Variants in EPB41L4A observed in about 807,000 individuals in gnomAD.
The protein encoded by EPB41L4A is erythrocyte membrane protein band 4.1 like 4A.
In EPB41L4A, 100 loss-of-function variants were observed where a neutral mutation model predicts 108.6. The observed-to-expected ratio is 0.92, with a 90% CI of 0.78 to 1.09. The LOEUF is 1.09. Ranked by LOEUF, EPB41L4A falls within the 50% of genes least tolerant of loss-of-function variation. EPB41L4A has a pLI of 0.00. For synonymous variants in EPB41L4A, 319 were observed against 289.0 expected (o/e 1.10, Z -1.05); for missense variants, 1,030 against 842.7 (o/e 1.22, Z -2.75).
intron 12 of EPB41L4A, among the ~76,000 whole-genome samples, chr5:112,230,707 G>A (rs1748852110): frequency 6.6e-6 from 1 of 152,100 alleles, no homozygotes; most frequent in Non-Finnish European, 1.5e-5. Context: ...TTCCTTTGCT[G>A]TGCAGAAGCT....
downstream of EPB41L4A, among the ~76,000 whole-genome samples, chr5:112,157,760 T>C (rs116342683): frequency 1.9e-3 from 285 of 152,340 alleles, 1 homozygote; most frequent in African/African-American, 6.3e-3. Context: ...TTCTGCTATG[T>C]AATGCACCAT....
chr5:112,354,453 C>T (rs1032100306), intron 1 of EPB41L4A, among the ~76,000 whole-genome samples: 2 of 152,110 alleles, frequency 1.3e-5, no homozygotes, highest in Non-Finnish European at 2.9e-5. Context: ...CTCAGCTCTC[C>T]GGCAACACTG....
At chr5:112,419,744 C>T (rs1285324850), upstream of EPB41L4A, 3 of 456,668 alleles carry the variant, frequency 6.6e-6, no homozygotes, top group African/African-American at 4.0e-5. Flanking sequence ...GCGGAAAGGG[C>T]AGCAGGCTCC....
intron 2 of EPB41L4A, among the ~76,000 whole-genome samples, chr5:112,306,146 G>GT (rs1312352315): frequency 6.6e-6 from 1 of 152,080 alleles, no homozygotes; most frequent in Non-Finnish European, 1.5e-5. Flanking sequence ...GAAAACTGTA[G>GT]TTTTCTCTGC....
chr5:112,305,335 G>A (rs1489627631), intron 2 of EPB41L4A, among the ~76,000 whole-genome samples: 2 of 152,090 alleles, frequency 1.3e-5, no homozygotes, highest in Non-Finnish European at 2.9e-5. Context: ...GAGTTCCGGG[G>A]TTCTAGGTTC....
chr5:112,341,607 G>T (rs536242277), intron 1 of EPB41L4A, among the ~76,000 whole-genome samples: 55 of 152,170 alleles, frequency 3.6e-4, no homozygotes, highest in African/African-American at 1.2e-3. Flanking sequence ...CCAAAAGAAA[G>T]TAATTTTAAA....
chr5:112,311,147 C>T (rs1301154030), intron 1 of EPB41L4A, among the ~76,000 whole-genome samples: 5 of 152,094 alleles, frequency 3.3e-5, no homozygotes, highest in African/African-American at 7.2e-5. Context: ...TACAGGCATG[C>T]ACCACCACAC....
At chr5:112,255,251 C>T (rs1750995390) in intron 9 of EPB41L4A, among the ~76,000 whole-genome samples, 1 of 152,206 alleles carries the variant, frequency 6.6e-6, no homozygotes, top group South Asian at 2.1e-4. Flanking sequence ...GTTGTCCACA[C>T]TCACCATCTC....
At chr5:112,192,148 G>C (rs1761735844) in intron 17 of EPB41L4A, 1 of 152,338 alleles carries the variant, frequency 6.6e-6, no homozygotes, top group East Asian at 1.9e-4. Context: ...CCTCATGTGG[G>C]ATGAGTGGGT....
chr5:112,355,956 G>A (rs550878145), intron 1 of EPB41L4A, among the ~76,000 whole-genome samples: 12 of 152,270 alleles, frequency 7.9e-5, no homozygotes, highest in African/African-American at 2.6e-4. Flanking sequence ...CATGGATCCA[G>A]TAAGTCCACG....
intron 1 of EPB41L4A, among the ~76,000 whole-genome samples, chr5:112,323,775 C>T (rs1296598108): frequency 6.6e-6 from 1 of 152,058 alleles, no homozygotes. Flanking sequence ...TATTCTGCAA[C>T]CTTTTTGGGG....
chr5:112,145,154 G>A (rs1000596926), intron 13 of EPB41L4A, among the ~76,000 whole-genome samples: 1 of 152,164 alleles, frequency 6.6e-6, no homozygotes, highest in Non-Finnish European at 1.5e-5. Flanking sequence ...GCCAGGCGTG[G>A]TGGCACAAAC....
At chr5:112,347,322 G>A (rs1275021939) in intron 1 of EPB41L4A, among the ~76,000 whole-genome samples, 1 of 152,140 alleles carries the variant, frequency 6.6e-6, no homozygotes, top group African/African-American at 2.4e-5. Context: ...GGAAAGCAAT[G>A]GTAGTTAAAA....
chr5:112,268,597 C>T (rs182643855), intron 4 of EPB41L4A, among the ~76,000 whole-genome samples: 2 of 151,806 alleles, frequency 1.3e-5, no homozygotes, highest in Non-Finnish European at 2.9e-5. Flanking sequence ...CACCTGTAAC[C>T]CCAGTATTTT....
chr5:112,214,556 G>A (rs985647747), intron 12 of EPB41L4A, among the ~76,000 whole-genome samples: 3 of 152,150 alleles, frequency 2.0e-5, no homozygotes, highest in Non-Finnish European at 2.9e-5. Flanking sequence ...GAGGTCAGGA[G>A]ATCGAGACCA....
intron 2 of EPB41L4A, among the ~76,000 whole-genome samples, chr5:112,300,039 A>C (rs1031795660): frequency 6.6e-6 from 1 of 151,950 alleles, no homozygotes; most frequent in Non-Finnish European, 1.5e-5. Flanking sequence ...GTGAGTCCTT[A>C]TATGTTAGGT....
At chr5:112,327,763 T>C (rs868503398) in intron 1 of EPB41L4A, among the ~76,000 whole-genome samples, 5 of 151,612 alleles carry the variant, frequency 3.3e-5, no homozygotes, top group Non-Finnish European at 7.4e-5. Flanking sequence ...TAGCTACAAA[T>C]AGAAGCACTG....
In EPB41L4A at chr5:112,243,277, A is replaced by G. The variant is rs79404085; in HGVS notation, c.796-2467T>C. The stretch of plus-strand genomic sequence containing the variant: ...CACACACATATATATATGTGTGTGT[A>G]TATATATATATATATTTTGTTTGTT... On this transcript the variant is annotated intron_variant, in intron 9 of 22. Transcript: ENST00000261486. Among the ~76,000 whole-genome samples the G allele has an allele frequency of 0.018, 2,325 of 127,368 alleles. 229 individuals are homozygous for G. The East Asian group carries it at 0.27, about 15-fold the overall frequency. The allele number at this position is 127,368 out of a possible 152,430, so 83.6% of individuals were successfully genotyped here. A position where few individuals can be genotyped will look rare whatever the true frequency, so the allele number is the denominator to read the frequency against.
At chr5:112,234,854 A>C in intron 11 of EPB41L4A, 99 bp from the exon 12 acceptor site, 2 of 1,285,654 alleles carry the variant, frequency 1.6e-6, no homozygotes, top group South Asian at 3.4e-5. Flanking sequence ...GGAGAGAAGA[A>C]AAAACACACA....
Sources: allele counts gnomAD v4.1 joint callset (sites outside exome capture counted in the v4.1 genomes callset), GRCh38; gene constraint gnomAD v4.1.1; transcripts MANE v1.5; gene names NCBI Gene and HGNC (gene_info 2026-07-23, HGNC 2026-07-21).